Variants in MAMDC2 observed in about 807,000 individuals in gnomAD.
MAMDC2 encodes the protein MAM domain-containing protein 2.
In MAMDC2, 57 loss-of-function variants were observed where a neutral mutation model predicts 89.8. That is an observed-to-expected ratio of 0.63 (90% CI 0.51 to 0.79). The LOEUF is 0.79. Among genes scored for constraint, MAMDC2 ranks in the 30% least tolerant of loss-of-function variants. The pLI, the probability that MAMDC2 is intolerant of heterozygous loss-of-function variation, is 0.00. For missense variants in MAMDC2, 800 were observed against 820.6 expected (o/e 0.97, Z 0.31); for synonymous variants, 313 against 293.4 (o/e 1.07, Z -0.68).
At position 70,225,741 on chromosome 9, in the gene MAMDC2, T is replaced by C; in HGVS notation, c.1912-9T>C. Reference sequence around the variant, plus strand: ...TCTATTTCTAAATTCAAACATATTATTCTTTCAGATAATTTTTGAAGCCAT... The same window carrying C: ...TCTATTTCTAAATTCAAACATATTACTCTTTCAGATAATTTTTGAAGCCAT... On this transcript the variant is annotated splice_polypyrimidine_tract_variant and intron_variant, in intron 12 of 13. Coordinates refer to ENST00000377182, the MANE Select transcript of MAMDC2 (RefSeq NM_153267.5). 1 of 1,524,546 alleles carries C rather than the reference T, an allele frequency of 6.6e-7. No individual in the cohort carries two copies. The allele number at this position is 1,524,546 out of a possible 1,614,324, so 94.4% of individuals were successfully genotyped here. A position where few individuals can be genotyped will look rare whatever the true frequency, so the allele number is the denominator to read the frequency against.
At chr9:70,054,920 A>T (rs1826994015) in intron 2 of MAMDC2, among the ~76,000 whole-genome samples, 1 of 152,050 alleles carries the variant, frequency 6.6e-6, no homozygotes, top group African/African-American at 2.4e-5. Flanking sequence ...CTCATTGAAA[A>T]ACAAAAACAA....
intron 2 of MAMDC2, chr9:70,062,853 A>T (rs1240801810): frequency 6.6e-6 from 1 of 152,168 alleles, no homozygotes; most frequent in Non-Finnish European, 1.5e-5. Flanking sequence ...TTCAGCAAAA[A>T]CGGATTTTTT....
rs1198001702 is a variant in MAMDC2 at position 70,210,577 on chromosome 9, C to T, written c.1652-7760C>T. On this transcript the variant is annotated intron_variant, in intron 11 of 13. Coordinates refer to ENST00000377182, the MANE Select transcript of MAMDC2 (RefSeq NM_153267.5). ...AATACAGCACACTGATGGGTCTTGA[C>T]TCTTTATCCAAGTTGCCAGTCTGTG... is the stretch of plus-strand genomic sequence containing the variant. Among the ~76,000 whole-genome samples, 9 of 152,316 alleles carry T rather than the reference C, an allele frequency of 5.9e-5. No homozygotes were observed. The East Asian group carries it at 7.7e-4, about 13-fold the overall frequency.
chr9:70,144,034 C>T (rs564021905), intron 9 of MAMDC2, among the ~76,000 whole-genome samples: 3 of 152,190 alleles, frequency 2.0e-5, no homozygotes, highest in Non-Finnish European at 4.4e-5. Flanking sequence ...AGAGAGTTTG[C>T]TTTTTGTTTA....
chr9:70,108,547 T>A, intron 3 of MAMDC2, 65 bp downstream of exon 3: 7 of 1,415,372 alleles, frequency 4.9e-6, no homozygotes, highest in Non-Finnish European at 5.6e-6. Flanking sequence ...TCTAAAATCT[T>A]ATGAAAACTT....
chr9:70,056,469 C>CTT (rs573466140), intron 2 of MAMDC2, among the ~76,000 whole-genome samples: 297 of 152,160 alleles, frequency 2.0e-3, no homozygotes, highest in Non-Finnish European at 3.5e-3. Context: ...GTGAGTTAAA[C>CTT]TTTAGTATCT....
At chr9:70,163,026 TG>T (rs2032032255) in intron 9 of MAMDC2, among the ~76,000 whole-genome samples, 1 of 152,244 alleles carries the variant, frequency 6.6e-6, no homozygotes, top group African/African-American at 2.4e-5. Context: ...AGCAGATCAT[TG>T]TTTTTTTGAA....
intron 2 of MAMDC2, among the ~76,000 whole-genome samples, chr9:70,090,134 C>T (rs1447046350): frequency 6.6e-6 from 1 of 151,788 alleles, no homozygotes; most frequent in Non-Finnish European, 1.5e-5. Context: ...CACACACACA[C>T]ACACACACAC....
chr9:70,054,612 G>T (rs1243200016), intron 2 of MAMDC2, among the ~76,000 whole-genome samples: 1 of 151,948 alleles, frequency 6.6e-6, no homozygotes, highest in Non-Finnish European at 1.5e-5. Context: ...TTTTAGGAAG[G>T]GGGGACTTGA....
chr9:70,204,920 A>T (rs1328667429), intron 11 of MAMDC2, among the ~76,000 whole-genome samples: 1 of 152,102 alleles, frequency 6.6e-6, no homozygotes, highest in Non-Finnish European at 1.5e-5. Flanking sequence ...CAGCTCGCGC[A>T]TGGTGCGCAC....
chr9:70,190,784 C>A (rs1344645786), intron 11 of MAMDC2, among the ~76,000 whole-genome samples: 1 of 151,998 alleles, frequency 6.6e-6, no homozygotes, highest in African/African-American at 2.4e-5. Flanking sequence ...TTGATAAATG[C>A]CATGTGGATA....
chr9:70,087,132 C>T (rs1827787459), intron 2 of MAMDC2: 1 of 152,186 alleles, frequency 6.6e-6, no homozygotes, highest in Admixed American at 6.6e-5. Flanking sequence ...TGTTCACAAC[C>T]TCTGCCTCTT....
intron 9 of MAMDC2, among the ~76,000 whole-genome samples, chr9:70,149,710 G>T (rs567674900): frequency 3.3e-5 from 5 of 152,190 alleles, no homozygotes; most frequent in African/African-American, 4.8e-5. Context: ...ATCTTTTGGT[G>T]TGGGGCCTGG....
At chr9:70,110,198 C>G (rs3015217) in intron 4 of MAMDC2, among the ~76,000 whole-genome samples, 5,002 of 152,288 alleles carry the variant, frequency 0.033, 266 homozygotes, top group African/African-American at 0.11. Flanking sequence ...CACACCACGG[C>G]TCTCCTCTTA....
chr9:70,216,986 G>A (rs922808079), intron 11 of MAMDC2, among the ~76,000 whole-genome samples: 2 of 152,166 alleles, frequency 1.3e-5, no homozygotes, highest in African/African-American at 4.8e-5. Flanking sequence ...CGGACAGAAT[G>A]CATACAATGG....
At chr9:70,144,818 G>C (rs984683264) in intron 9 of MAMDC2, among the ~76,000 whole-genome samples, 1 of 152,154 alleles carries the variant, frequency 6.6e-6, no homozygotes, top group African/African-American at 2.4e-5. Context: ...AACTTCTCTT[G>C]GTTACAACCA....
intron 9 of MAMDC2, among the ~76,000 whole-genome samples, chr9:70,165,848 G>T (rs2032154856): frequency 6.6e-6 from 1 of 152,164 alleles, no homozygotes; most frequent in South Asian, 2.1e-4. Context: ...CATGTACCTA[G>T]TGGCTATCAT....
chr9:70,053,408 T>G (rs1443946182), intron 2 of MAMDC2, among the ~76,000 whole-genome samples: 1 of 152,212 alleles, frequency 6.6e-6, no homozygotes, highest in Non-Finnish European at 1.5e-5. Context: ...AGCATCTAAG[T>G]GTCTACTATC....
intron 11 of MAMDC2, chr9:70,172,689 A>G (rs2118540722): frequency 6.5e-6 from 1 of 152,820 alleles, no homozygotes; most frequent in Admixed American, 6.5e-5. Context: ...CTAAGAAGAT[A>G]TGCAGCTTGG....
Sources: gnomAD v4.1 joint callset for allele counts (sites outside exome capture counted in the v4.1 genomes callset) on GRCh38, gnomAD v4.1.1 for gene constraint, MANE v1.5 for transcripts, NCBI Gene and HGNC (gene_info 2026-07-23, HGNC 2026-07-21) for gene names.